Variants in AHRR observed in about 807,000 individuals in gnomAD.
AHRR encodes the protein aryl hydrocarbon receptor repressor.
In AHRR, 28 loss-of-function variants were observed where a neutral mutation model predicts 44.0. That is an observed-to-expected ratio of 0.64 (90% confidence interval 0.47 to 0.87). AHRR has a LOEUF of 0.87. Ranked by LOEUF, AHRR falls within the 40% of genes least tolerant of loss-of-function variation. The pLI, the probability that AHRR is intolerant of heterozygous loss-of-function variation, is 0.00. For synonymous variants in AHRR, 434 were observed against 407.0 expected, an observed-to-expected ratio of 1.07 and a Z score of -0.80; for missense variants, 990 against 953.9, an observed-to-expected ratio of 1.04 and a Z score of -0.50.
intron 1 of AHRR, among the ~76,000 whole-genome samples, chr5:331,808 C>A (rs559850724): frequency 2.3e-4 from 35 of 152,214 alleles, no homozygotes; most frequent in African/African-American, 8.2e-4. Context: ...CTAGGTTGCA[C>A]GTTCCTTATG....
intron 3 of AHRR, among the ~76,000 whole-genome samples, chr5:356,274 C>T (rs1365630066): frequency 1.3e-5 from 2 of 152,180 alleles, no homozygotes; most frequent in Admixed American, 1.3e-4. Flanking sequence ...TGCTGCGGGG[C>T]ATGGAGGGGA....
chr5:402,411 G>T (rs997179090), intron 4 of AHRR, among the ~76,000 whole-genome samples: 1 of 138,032 alleles, frequency 7.2e-6, no homozygotes, highest in African/African-American at 2.8e-5. Flanking sequence ...GGCAGTCGTT[G>T]TTGAGGGTGT....
At chr5:372,811 T>A (rs1263022424) in intron 3 of AHRR, among the ~76,000 whole-genome samples, 1 of 152,144 alleles carries the variant, frequency 6.6e-6, no homozygotes, top group Non-Finnish European at 1.5e-5. Context: ...CCAGGGACTG[T>A]GGGTCAGACC....
In AHRR at chr5:330,120, AT is replaced by A. The variant is rs557626500; in HGVS notation, c.-11+8303del. Among the ~76,000 whole-genome samples, 47 of 152,132 alleles carry A rather than the reference AT, an allele frequency of 3.1e-4. No homozygotes were observed. The South Asian group carries it at 3.5e-3, about 11-fold the overall frequency. Reference sequence around the variant, plus strand: ...TGTGGGTCTGTAATAAATAGCCTTTATTATTTTGTGGTATGTTCCTTCTGTG... The same window carrying A: ...TGTGGGTCTGTAATAAATAGCCTTTATATTTTGTGGTATGTTCCTTCTGTG... On this transcript the variant is annotated intron_variant, in intron 1 of 10. Transcript: ENST00000684583.
intron 3 of AHRR, among the ~76,000 whole-genome samples, chr5:368,808 C>A (rs1373733019): frequency 6.6e-6 from 1 of 152,218 alleles, no homozygotes; most frequent in Non-Finnish European, 1.5e-5. Context: ...GCTGCAGCCA[C>A]CCCAGTCTTC....
At chr5:333,221 A>C (rs1741992817) in intron 1 of AHRR, among the ~76,000 whole-genome samples, 1 of 152,154 alleles carries the variant, frequency 6.6e-6, no homozygotes. Context: ...GTGTGCCTTT[A>C]GTGGTAAAGT....
chr5:350,523 C>T (rs574153179), intron 2 of AHRR, among the ~76,000 whole-genome samples: 5 of 152,236 alleles, frequency 3.3e-5, no homozygotes, highest in African/African-American at 9.6e-5. Flanking sequence ...TCCTGGCTGT[C>T]CTCTCCCCAC....
chr5:389,083 T>A (rs558853652), intron 4 of AHRR, among the ~76,000 whole-genome samples: 9 of 151,670 alleles, frequency 5.9e-5, no homozygotes, highest in African/African-American at 2.2e-4. Context: ...TTCTCTCTCC[T>A]CAGGGAGACC....
rs13436051 is a variant in AHRR at position 343,430 on chromosome 5, G to A, written c.-10-463G>A. 1,262 of 183,546 alleles carry A rather than the reference G, an allele frequency of 6.9e-3. 60 individuals carry two copies. Among genetic ancestry groups the A allele is most frequent in the Admixed American group, 0.064 (975 of 15,258 alleles). The allele number at this position is 183,546 out of a possible 1,614,324, so 11.4% of individuals were successfully genotyped here. A position where few individuals can be genotyped will look rare whatever the true frequency, so the allele number is the denominator to read the frequency against. Reference sequence around the variant, plus strand: ...AACACGGGACCCCACATACCTTCTCGGGGGTGACGGGAACACGGGACCCCG... The same window carrying A: ...AACACGGGACCCCACATACCTTCTCAGGGGTGACGGGAACACGGGACCCCG... On this transcript the variant is annotated intron_variant, in intron 1 of 10. Transcript: ENST00000684583.
At chr5:343,673 G>C in intron 1 of AHRR, 1 of 511,740 alleles carries the variant, frequency 2.0e-6, no homozygotes, top group Non-Finnish European at 3.4e-6. Flanking sequence ...ACACCGAGGG[G>C]AGGCCCAGGC....
intron 4 of AHRR, among the ~76,000 whole-genome samples, chr5:379,253 C>T (rs1326105152): frequency 6.6e-6 from 1 of 152,048 alleles, no homozygotes. Flanking sequence ...TTGGGCTCAT[C>T]CACGGTGCTG....
intron 4 of AHRR, among the ~76,000 whole-genome samples, chr5:410,023 C>T (rs1735409652): frequency 6.6e-6 from 1 of 152,160 alleles, no homozygotes; most frequent in Non-Finnish European, 1.5e-5. Flanking sequence ...TCAGACCTTC[C>T]TTCCCCACTG....
intron 3 of AHRR, among the ~76,000 whole-genome samples, chr5:373,735 G>C (rs1015800757): frequency 3.3e-5 from 5 of 151,044 alleles, no homozygotes; most frequent in Non-Finnish European, 7.4e-5. Flanking sequence ...GGCCGTGGCC[G>C]GGTCCGCCCG....
At chr5:403,759 T>A in intron 4 of AHRR, 2 of 1,478,198 alleles carry the variant, frequency 1.4e-6, no homozygotes, top group Non-Finnish European at 1.9e-6. Context: ...TGATTCCTTA[T>A]CATTTCCATG....
At chr5:325,710 A>G (rs1180803318) in intron 1 of AHRR, among the ~76,000 whole-genome samples, 1 of 151,428 alleles carries the variant, frequency 6.6e-6, no homozygotes, top group Non-Finnish European at 1.5e-5. Context: ...AACATTCCAC[A>G]TATTTTGCTT....
rs1560902152 is a variant in AHRR, at chr5:387,197, C to T, written c.351+10481C>T. Among the ~76,000 whole-genome samples the T allele has an allele frequency of 6.6e-6, 1 of 152,240 alleles. No individual in the cohort carries two copies. Among genetic ancestry groups the T allele is most frequent in the Non-Finnish European group, 1.5e-5 (1 of 68,046 alleles). On this transcript the variant is annotated intron_variant, in intron 4 of 10. Coordinates refer to ENST00000684583, the MANE Select transcript of AHRR (RefSeq NM_001377236.1). The surrounding 1 kb of genome is among the most constrained non-coding windows in gnomAD (Gnocchi z 5.1). The stretch of plus-strand genomic sequence containing the variant: ...CTGCAGCTTGGGATGAGCCAGGACA[C>T]GTGTCAGTTCGTACACAGAAGCGGG...
chr5:326,042 C>T lies in AHRR; in HGVS notation c.-11+4223C>T, dbSNP rs866534924. Among the ~76,000 whole-genome samples the T allele has an allele frequency of 2.0e-5, 3 of 152,358 alleles. No individual in the cohort carries two copies. The highest frequency in any genetic ancestry group is 4.8e-5 in the African/African-American group (2 of 41,582). ...AGGCGATTCCCCTGCCTCAGCCTCC[C>T]TAAGTGCTGGGATTACAGGCGTGAG... On this transcript the variant is annotated intron_variant, in intron 1 of 10. Transcript: ENST00000684583. The surrounding 1 kb of genome is among the most constrained non-coding windows in gnomAD (Gnocchi z 4.1).
At chr5:408,274 G>A (rs1393739685) in intron 4 of AHRR, among the ~76,000 whole-genome samples, 3 of 152,178 alleles carry the variant, frequency 2.0e-5, no homozygotes, top group African/African-American at 7.2e-5. Flanking sequence ...TGATCTTACT[G>A]GAAACACCTT....
Position 436,935 on chromosome 5 carries a change from C to T in AHRR, c.*2101C>T, listed in dbSNP as rs931584673. 1.3e-5 allele frequency: 2 copies of T among 152,414 alleles called. No homozygotes were observed. The highest frequency in any genetic ancestry group is 3.8e-4 in the East Asian group (2 of 5,328). 9.4% of individuals were successfully genotyped at this position (152,414 alleles called of 1,614,324 possible). A position where few individuals can be genotyped will look rare whatever the true frequency, so the allele number is the denominator to read the frequency against. On this transcript the variant is annotated 3_prime_UTR_variant, in exon 11 of 11. Coordinates refer to ENST00000684583, the MANE Select transcript of AHRR (RefSeq NM_001377236.1). ...CATTTCTCATGCTGAGCATGGCACACTTCTGGCCTCTGGGCATTTATGGAT... is the reference window on the plus strand; with the variant it reads ...CATTTCTCATGCTGAGCATGGCACATTTCTGGCCTCTGGGCATTTATGGAT...
Sources: allele counts gnomAD v4.1 joint callset (sites outside exome capture counted in the v4.1 genomes callset), GRCh38; gene constraint gnomAD v4.1.1; non-coding constraint Gnocchi (gnomAD v3.1); transcripts MANE v1.5; gene names NCBI Gene and HGNC (gene_info 2026-07-23, HGNC 2026-07-21).